Variants in RNF13 observed in about 807,000 individuals in gnomAD.
The protein encoded by RNF13 is E3 ubiquitin-protein ligase RNF13.
Under a neutral mutation model 37.7 loss-of-function variants are expected in RNF13, and 19 were observed. The ratio of observed to expected loss-of-function variants is 0.50; its 90% confidence interval spans 0.35 to 0.74. The LOEUF is 0.74. Among genes scored for constraint, RNF13 ranks in the 30% least tolerant of loss-of-function variants. RNF13 has a pLI of 0.01. For missense variants in RNF13, 375 were observed against 453.0 expected, an observed-to-expected ratio of 0.83 and a Z score of 1.56; for synonymous variants, 144 against 157.8, an observed-to-expected ratio of 0.91 and a Z score of 0.65.
chr3:149,937,418 T>C (rs1446415004), intron 8 of RNF13, among the ~76,000 whole-genome samples: 1 of 152,122 alleles, frequency 6.6e-6, no homozygotes, highest in Non-Finnish European at 1.5e-5. Context: ...GATAGAAAAG[T>C]CCATTCTCTC....
intron 8 of RNF13, among the ~76,000 whole-genome samples, chr3:149,959,145 A>C (rs1244773745): frequency 6.6e-6 from 1 of 152,196 alleles, no homozygotes; most frequent in Non-Finnish European, 1.5e-5. Context: ...TAACATATTC[A>C]TGTAGTGGAA....
At chr3:149,854,383 C>T (rs921714831) in intron 3 of RNF13, among the ~76,000 whole-genome samples, 2 of 152,182 alleles carry the variant, frequency 1.3e-5, no homozygotes, top group African/African-American at 4.8e-5. Context: ...AGTGATTTTA[C>T]AGGCCTTCAG....
chr3:149,949,556 C>T (rs528575864), intron 8 of RNF13, among the ~76,000 whole-genome samples: 38 of 150,916 alleles, frequency 2.5e-4, no homozygotes, highest in African/African-American at 7.8e-4. Context: ...ATCTGAGATT[C>T]TTGAATTTGT....
chr3:149,847,961 AT>A (rs1722793931), intron 2 of RNF13, among the ~76,000 whole-genome samples: 1 of 152,188 alleles, frequency 6.6e-6, no homozygotes. Context: ...TTAAGCAGAT[AT>A]ATAACCTTGA....
At position 149,909,824 on chromosome 3, in the gene RNF13, G is replaced by A. The variant is rs572001248; in HGVS notation, c.501-2154G>A. ...TGGGACTTCCTGATTTGTTCTTTTAGCTTGCTCCTTCTCACCTAGAAGCTC... is the reference window on the plus strand; with the variant it reads ...TGGGACTTCCTGATTTGTTCTTTTAACTTGCTCCTTCTCACCTAGAAGCTC... On this transcript the variant is annotated intron_variant, in intron 6 of 9. Coordinates refer to ENST00000392894, the MANE Select transcript of RNF13 (RefSeq NM_183381.3). 1.6e-4 allele frequency among the ~76,000 whole-genome samples: 24 copies of A among 152,028 alleles called. No individual in the cohort carries two copies. The Middle Eastern group carries it at 0.014, about 86-fold the overall frequency.
chr3:149,888,229 A>G (rs1714268790), intron 4 of RNF13, among the ~76,000 whole-genome samples: 1 of 152,146 alleles, frequency 6.6e-6, no homozygotes, highest in South Asian at 2.1e-4. Flanking sequence ...ATATATTTTT[A>G]TTCTGCACGC....
intron 1 of RNF13, among the ~76,000 whole-genome samples, chr3:149,826,264 T>A (rs1215956156): frequency 6.6e-6 from 1 of 152,234 alleles, no homozygotes; most frequent in Admixed American, 6.5e-5. Flanking sequence ...TGAATGCAGA[T>A]GCCTCAGAGC....
chr3:149,936,441 CTT>C (rs1426389058), intron 8 of RNF13, among the ~76,000 whole-genome samples: 1 of 151,996 alleles, frequency 6.6e-6, no homozygotes, highest in East Asian at 1.9e-4. Context: ...TGTCTCCTCT[CTT>C]TATATATTTT....
chr3:149,925,207 CTG>C (rs1206346180), intron 8 of RNF13, among the ~76,000 whole-genome samples: 1 of 152,096 alleles, frequency 6.6e-6, no homozygotes, highest in African/African-American at 2.4e-5. Flanking sequence ...ATCAGCATAA[CTG>C]TTTTTCTCTA....
At chr3:149,883,423 G>A (rs1346425519) in intron 4 of RNF13, among the ~76,000 whole-genome samples, 1 of 151,918 alleles carries the variant, frequency 6.6e-6, no homozygotes, top group East Asian at 1.9e-4. Context: ...TTTAAAATGT[G>A]TGTGTATGTG....
intron 4 of RNF13, among the ~76,000 whole-genome samples, chr3:149,891,669 A>G (rs1199386212): frequency 6.6e-6 from 1 of 152,250 alleles, no homozygotes; most frequent in Non-Finnish European, 1.5e-5. Context: ...GCAGATTGCC[A>G]ATACAATTTA....
At chr3:149,950,702 C>T (rs1721241917) in intron 8 of RNF13, among the ~76,000 whole-genome samples, 1 of 151,418 alleles carries the variant, frequency 6.6e-6, no homozygotes, top group African/African-American at 2.4e-5. Flanking sequence ...TCTTCAACAT[C>T]TGGAATCAAG....
intron 7 of RNF13, among the ~76,000 whole-genome samples, chr3:149,919,508 T>A (rs543345999): frequency 6.6e-6 from 1 of 152,318 alleles, no homozygotes; most frequent in South Asian, 2.1e-4. Flanking sequence ...AAGTCTGTAC[T>A]CTTTTGTGTC....
intron 5 of RNF13, among the ~76,000 whole-genome samples, chr3:149,899,491 TAA>T (rs1715606487): frequency 6.6e-6 from 1 of 151,774 alleles, no homozygotes. Flanking sequence ...TAAAAAAAAA[TAA>T]GTTTTAAACA....
intron 4 of RNF13, among the ~76,000 whole-genome samples, chr3:149,877,268 T>C (rs545735889): frequency 6.6e-6 from 1 of 152,320 alleles, no homozygotes; most frequent in African/African-American, 2.4e-5. Context: ...GTGAATAGAT[T>C]AGAGCCTAAA....
At chr3:149,955,775 T>C (rs545908215) in intron 8 of RNF13, among the ~76,000 whole-genome samples, 20 of 152,282 alleles carry the variant, frequency 1.3e-4, no homozygotes, top group Admixed American at 7.9e-4. Context: ...ATCTCTTTTA[T>C]CTTTTACTTT....
intron 7 of RNF13, among the ~76,000 whole-genome samples, chr3:149,920,512 C>T (rs1328421789): frequency 6.6e-6 from 1 of 152,150 alleles, no homozygotes; most frequent in Non-Finnish European, 1.5e-5. Flanking sequence ...TTAACAGTGC[C>T]TTTTAAGCAG....
intron 8 of RNF13, 104 bp downstream of exon 8, chr3:149,921,331 T>C: frequency 3.3e-6 from 1 of 305,090 alleles, no homozygotes; most frequent in South Asian, 1.3e-4. Flanking sequence ...CTTTAAGTTC[T>C]AGGGTACATG....
chr3:149,921,464 C>T (rs74821555), intron 8 of RNF13, among the ~76,000 whole-genome samples: 2 of 152,130 alleles, frequency 1.3e-5, no homozygotes, highest in African/African-American at 2.4e-5. Context: ...CCTCCACCCC[C>T]CAACAGGCCC....
Sources: allele counts gnomAD v4.1 joint callset (sites outside exome capture counted in the v4.1 genomes callset), GRCh38; gene constraint gnomAD v4.1.1; transcripts MANE v1.5; gene names NCBI Gene and HGNC (gene_info 2026-07-23, HGNC 2026-07-21).